DUOX1: variants seen among roughly 807,000 people sequenced by gnomAD.
DUOX1 encodes the protein NADPH thyroid oxidase 1.
Under a neutral mutation model 181.8 loss-of-function variants are expected in DUOX1, and 134 were observed. The observed-to-expected ratio is 0.74, with a 90% CI of 0.64 to 0.85. The LOEUF (loss-of-function observed/expected upper bound fraction) is 0.85, where lower values mean the gene tolerates loss of function less well. Ranked by LOEUF, DUOX1 falls within the 40% of genes least tolerant of loss-of-function variation. The pLI is 0.00. For synonymous variants in DUOX1, 798 were observed against 832.5 expected (o/e 0.96, Z 0.71); for missense variants, 1,814 against 2,064.4 (o/e 0.88, Z 2.35).
chr15:45,147,540 C>A lies in DUOX1; in HGVS notation c.2430C>A (p.Ser810=), dbSNP rs1236635828. 2 of 1,614,074 alleles carry A rather than the reference C, an allele frequency of 1.2e-6. No individual in the cohort carries two copies. The highest frequency in any genetic ancestry group is 4.5e-5 in the East Asian group (2 of 44,882). ...CELSRAEFAE[S]LGLKPQDMFV... ...TGAGCAGGGCCGAGTTTGCCGAGTC[C>A]CTGGGCCTCAAGCCCCAGGACATGT... is the stretch of plus-strand genomic sequence containing the variant. Residue 810 remains serine, a synonymous_variant, in exon 19 of 34, where the codon TCC becomes TCA. Coordinates refer to ENST00000389037, the MANE Select transcript of DUOX1 (RefSeq NM_175940.3).
chr15:45,162,575 G>A (rs1706812), intron 31 of DUOX1, among the ~76,000 whole-genome samples, 198 bp downstream of exon 31: 64,152 of 152,102 alleles, frequency 0.42, 15,425 homozygotes, highest in Non-Finnish European at 0.56. Context: ...ACTGGTTTGC[G>A]GATGCCTCCA....
intron 33 of DUOX1, among the ~76,000 whole-genome samples, chr15:45,164,265 A>T (rs1437530733): frequency 1.3e-5 from 2 of 152,150 alleles, no homozygotes; most frequent in Non-Finnish European, 1.5e-5. Context: ...CTTTACCATG[A>T]GCACTGGGCT....
At chr15:45,141,231 G>A in intron 13 of DUOX1, 61 bp from the exon 14 acceptor site, 1 of 1,592,476 alleles carries the variant, frequency 6.3e-7, no homozygotes. Context: ...CCTTGGGCCT[G>A]GGGTTGCTGG....
intron 17 of DUOX1, 100 bp downstream of exon 17, chr15:45,144,335 A>G: frequency 7.7e-7 from 1 of 1,299,172 alleles, no homozygotes; most frequent in Non-Finnish European, 1.1e-6. Flanking sequence ...AGGAAATGAT[A>G]GTTACTGTGC....
intron 19 of DUOX1, 80 bp downstream of exon 19, chr15:45,147,738 C>T (rs773441395): frequency 2.7e-4 from 423 of 1,591,818 alleles, no homozygotes; most frequent in Non-Finnish European, 3.5e-4. Context: ...ACCAGGTCTC[C>T]AGCCATGGCA....
rs763767869 is a variant in DUOX1 at position 45,134,270 on chromosome 15, G to C, written c.268G>C (p.Ala90Pro). 1 of 1,601,488 alleles carries C rather than the reference G, an allele frequency of 6.2e-7. No individual in the cohort carries two copies. Among genetic ancestry groups the C allele is most frequent in the South Asian group, 1.1e-5 (1 of 89,602 alleles). Residue 90 changes from alanine to proline, a missense_variant, in exon 4 of 34, where the codon GCC becomes CCC. Physicochemically the swap from Ala to Pro is conservative, Grantham distance 27. Transcript: ENST00000389037. ...NTISRGPAGL[A>P]SLRNRTVLGV... ...CATCTCAAGGGGCCCTGCAGGGCTGGCCTCCCTGAGAAACCGCACAGTGTT... is the reference window on the plus strand; with the variant it reads ...CATCTCAAGGGGCCCTGCAGGGCTGCCCTCCCTGAGAAACCGCACAGTGTT...
At chr15:45,140,855 C>T (rs765333355) in intron 12 of DUOX1, 40 bp from the exon 13 acceptor site, 12 of 1,604,690 alleles carry the variant, frequency 7.5e-6, no homozygotes, top group Non-Finnish European at 9.4e-6. Context: ...AGGGTGGGTG[C>T]CGTGTCCTTT....
intron 9 of DUOX1, among the ~76,000 whole-genome samples, chr15:45,137,344 G>C (rs1896349947): frequency 1.1e-5 from 1 of 89,988 alleles, no homozygotes; most frequent in Admixed American, 1.8e-4. Flanking sequence ...TGGACAACAA[G>C]AGTGAAACTC....
chr15:45,145,735 T>C (rs8043418), intron 18 of DUOX1, among the ~76,000 whole-genome samples: 43,805 of 151,768 alleles, frequency 0.29, 6,602 homozygotes, highest in South Asian at 0.51. Context: ...GCCAACATGG[T>C]GAAACCCCGT....
At position 45,165,152 on chromosome 15, in the gene DUOX1, T is replaced by G; in HGVS notation, c.*251T>G. On this transcript the variant is annotated 3_prime_UTR_variant, in exon 34 of 34. Transcript: ENST00000389037. ...GAGTGAGAAGTAGGGGAGCTACTGATTTGGGGCAAAGTGAAACCTCTGCTT... is the reference window on the plus strand; with the variant it reads ...GAGTGAGAAGTAGGGGAGCTACTGAGTTGGGGCAAAGTGAAACCTCTGCTT... 1 of 543,400 alleles carries G rather than the reference T, an allele frequency of 1.8e-6. No individual in the cohort carries two copies. Among genetic ancestry groups the G allele is most frequent in the South Asian group, 2.5e-5 (1 of 39,656 alleles). 33.7% of individuals were successfully genotyped at this position (543,400 alleles called of 1,614,324 possible). A position where few individuals can be genotyped will look rare whatever the true frequency, so the allele number is the denominator to read the frequency against.
intron 9 of DUOX1, among the ~76,000 whole-genome samples, chr15:45,137,720 G>A (rs1896364344): frequency 6.6e-6 from 1 of 152,026 alleles, no homozygotes; most frequent in Non-Finnish European, 1.5e-5. Flanking sequence ...TGAGCTATGA[G>A]TACATTTTAG....
chr15:45,143,946 T>G, intron 16 of DUOX1, 90 bp from the exon 17 acceptor site: 20 of 1,307,376 alleles, frequency 1.5e-5, no homozygotes, highest in Non-Finnish European at 2.1e-5. Context: ...GTGGAGGCCT[T>G]GATCTAATTT....
Position 45,163,551 on chromosome 15 carries a change from C to G in DUOX1, c.4268C>G (p.Thr1423Arg). 6.2e-7 allele frequency: 1 copy of G among 1,614,116 alleles called. No individual in the cohort carries two copies. Among genetic ancestry groups the G allele is most frequent in the Non-Finnish European group, 8.5e-7 (1 of 1,180,030 alleles). ...CCCCAGATCTACTTCATCTGGGTGA[C>G]GCGGACCCAGCGTCAGTTTGAGTGG... ...FCKKIYFIWV[T>R]RTQRQFEWLA... Residue 1423 changes from threonine to arginine, a missense_variant, in exon 32 of 34, where the codon ACG (threonine) becomes AGG (arginine). Thr to Arg is a moderately conservative substitution (Grantham distance 71). Transcript: ENST00000389037.
At chr15:45,154,599 T>TTTG (rs1555423051) in intron 27 of DUOX1, among the ~76,000 whole-genome samples, 2 of 151,494 alleles carry the variant, frequency 1.3e-5, no homozygotes, top group African/African-American at 4.9e-5. Context: ...AGCATGGTTT[T>TTTG]TTTTTTTTTT....
intron 21 of DUOX1, 143 bp from the exon 22 acceptor site, chr15:45,150,489 G>C (rs1706803): frequency 0.7 from 510,186 of 727,404 alleles, 187,876 homozygotes; most frequent in Non-Finnish European, 0.78. Context: ...GGCTGAGGTT[G>C]GAGCACCCGA....
Position 45,144,056 on chromosome 15 carries a change from A to G in DUOX1, c.1957A>G (p.Lys653Glu), listed in dbSNP as rs749717838. The change falls in exon 17 of 34, where the codon AAG becomes GAG. Residue 653 changes from lysine (K) to glutamate (E), a missense_variant. Coordinates refer to ENST00000389037, the MANE Select transcript of DUOX1 (RefSeq NM_175940.3). ...CCTAGCTTTGGAATGGCAAGGCCACAAGGAGCCCTGCCGGCCCGTGCTTGT... is the reference window on the plus strand; with the variant it reads ...CCTAGCTTTGGAATGGCAAGGCCACGAGGAGCCCTGCCGGCCCGTGCTTGT... ...GMEALEWQGH[K>E]EPCRPVLVYL... 3 of 1,614,014 alleles carry G rather than the reference A, an allele frequency of 1.9e-6. No homozygotes were observed. The East Asian group carries it at 6.7e-5, about 36-fold the overall frequency.
intron 29 of DUOX1, 99 bp from the exon 30 acceptor site, chr15:45,161,626 CTCCTTTGTCATAT>C: frequency 1.0e-6 from 1 of 970,418 alleles, no homozygotes; most frequent in Non-Finnish European, 1.6e-6. Flanking sequence ...TGGGGGAGGC[CTCCTTTGTCATAT>C]TCCAGAAGCA....
chr15:45,139,282 A>C (rs760212947), intron 11 of DUOX1, 114 bp downstream of exon 11: 27 of 1,598,718 alleles, frequency 1.7e-5, no homozygotes, highest in Non-Finnish European at 2.2e-5. Context: ...CCTGCACTGC[A>C]CTCACTGATG....
In DUOX1 at chr15:45,162,498, G is replaced by T. The variant is rs890170506; in HGVS notation, c.4248+121G>T. 2.2e-6 allele frequency: 3 copies of T among 1,344,308 alleles called. No homozygotes were observed. In the African/African-American group the frequency reaches 4.4e-5, roughly 20 times the overall value. 83.3% of individuals were successfully genotyped at this position (1,344,308 alleles called of 1,614,324 possible). On this transcript the variant is annotated intron_variant, in intron 31 of 33. Transcript: ENST00000389037. ...CCCTGAACTGGGCAGGGGCAAGTTG[G>T]TTTGAAACCTGGGGTTGGGTGGTGA...
Sources: gnomAD v4.1 joint callset for allele counts (sites outside exome capture counted in the v4.1 genomes callset) on GRCh38, gnomAD v4.1.1 for gene constraint, MANE v1.5 for transcripts, NCBI Gene and HGNC (gene_info 2026-07-23, HGNC 2026-07-21) for gene names.